Variants in STAB2 observed in about 807,000 individuals in gnomAD.
STAB2 encodes the protein stabilin-2.
A neutral mutation model predicts 338.1 loss-of-function variants in STAB2; 288 were observed. The ratio of observed to expected loss-of-function variants is 0.85; its 90% CI spans 0.77 to 0.94. The LOEUF (loss-of-function observed/expected upper bound fraction) is 0.94. Among genes scored for constraint, STAB2 ranks in the 40% least tolerant of loss-of-function variants. The pLI is 0.00. For missense variants in STAB2, 3,141 were observed against 3,210.1 expected, an observed-to-expected ratio of 0.98 and a Z score of 0.52; for synonymous variants, 1,202 against 1,193.3, an observed-to-expected ratio of 1.01 and a Z score of -0.15.
At chr12:103,735,370 A>G (rs1294725222) in intron 51 of STAB2, 121 bp from the exon 52 acceptor site, 4 of 584,338 alleles carry the variant, frequency 6.8e-6, no homozygotes, top group Non-Finnish European at 1.2e-5. Flanking sequence ...TTGTAAAGCT[A>G]AAGTTATTAT....
chr12:103,642,530 G>A (rs576385019), intron 9 of STAB2, among the ~76,000 whole-genome samples: 1 of 152,334 alleles, frequency 6.6e-6, no homozygotes, highest in South Asian at 2.1e-4. Flanking sequence ...TCCTTTCCAA[G>A]GCAACATGGT....
In STAB2 at chr12:103,652,646, AAC is replaced by A. The variant is rs1299985346; in HGVS notation, c.1352_1353del (p.Thr451ArgfsTer18). ...AGQMNIEYMN[N>X]TDMFYTLTGK... is the part of the protein sequence containing the mutation. ...TCAGATGAACATCGAATATATGAAT[AAC>A]ACAGACATGTTCTACACCTTGACTG... On this transcript the variant is annotated frameshift_variant, in exon 12 of 69. Transcript: ENST00000388887. LOFTEE classifies it high-confidence loss of function. 5.6e-6 allele frequency: 9 copies of A among 1,609,306 alleles called. No homozygotes were observed. In the East Asian group the frequency reaches 1.6e-4, roughly 28 times the overall value.
chr12:103,730,389 T>G, intron 49 of STAB2, 133 bp downstream of exon 49: 3 of 1,026,842 alleles, frequency 2.9e-6, no homozygotes, highest in Non-Finnish European at 4.3e-6. Flanking sequence ...AAAAGCCTAG[T>G]AAACATTATT....
intron 8 of STAB2, 118 bp from the exon 9 acceptor site, chr12:103,640,005 A>G: frequency 8.0e-7 from 1 of 1,252,786 alleles, no homozygotes; most frequent in Non-Finnish European, 1.1e-6. Flanking sequence ...TTAAGTCCAC[A>G]CTTCAGACAT....
At chr12:103,755,028 T>C (rs866838260) in intron 61 of STAB2, 4 of 418,454 alleles carry the variant, frequency 9.6e-6, no homozygotes, top group African/African-American at 5.9e-5. Context: ...TATCAATGGA[T>C]GACAGCAAAT....
Position 103,748,829 on chromosome 12 carries a change from A to T in STAB2, c.6245-134A>T. 3 of 877,488 alleles carry T rather than the reference A, an allele frequency of 3.4e-6. No individual in the cohort carries two copies. In the South Asian group the frequency reaches 5.9e-5, roughly 17 times the overall value. The allele number at this position is 877,488 out of a possible 1,614,324, so 54.4% of individuals were successfully genotyped here. On this transcript the variant is annotated intron_variant, in intron 58 of 68. Coordinates refer to ENST00000388887, the MANE Select transcript of STAB2 (RefSeq NM_017564.10). ...CCAGCACAGAGGCCACAGGGCATGG[A>T]GAGAGAAGCACGAACACGCAGGGGC...
chr12:103,663,308 C>T (rs994738794), intron 18 of STAB2, among the ~76,000 whole-genome samples: 4 of 152,212 alleles, frequency 2.6e-5, no homozygotes, highest in Admixed American at 6.5e-5. Flanking sequence ...TCTCACAATT[C>T]TGGAGGTCAG....
chr12:103,684,917 T>A (rs1271983657), intron 26 of STAB2, 72 bp from the exon 27 acceptor site: 23 of 1,460,506 alleles, frequency 1.6e-5, no homozygotes, highest in Non-Finnish European at 2.0e-5. Flanking sequence ...ATGGAGCCTG[T>A]CGTCTCATAG....
rs112465042 is a variant in STAB2 at position 103,703,322 on chromosome 12, G to C, written c.3843+46G>C. Reference sequence around the variant, plus strand: ...CCAGTGATGGAACTAATGAATATTGGCTTTTTTTTATATAATTTTGGGGGC... The same window carrying C: ...CCAGTGATGGAACTAATGAATATTGCCTTTTTTTTATATAATTTTGGGGGC... On this transcript the variant is annotated intron_variant, in intron 35 of 68. Transcript: ENST00000388887. 2.2e-3 allele frequency: 3,572 copies of C among 1,591,226 alleles called. 76 individuals are homozygous for C. The African/African-American group carries it at 0.042, about 19-fold the overall frequency.
In STAB2 at chr12:103,674,016, C is replaced by T. The variant is rs1876090091; in HGVS notation, c.2481C>T (p.Thr827=). 3 of 1,614,102 alleles carry T rather than the reference C, an allele frequency of 1.9e-6. No homozygotes were observed. Among genetic ancestry groups the T allele is most frequent in the East Asian group, 2.2e-5 (1 of 44,882 alleles). The change falls in exon 23 of 69, where the codon ACC becomes ACT. Residue 827 remains threonine (T), a synonymous_variant. Coordinates refer to ENST00000388887, the MANE Select transcript of STAB2 (RefSeq NM_017564.10). ...CCGGGAGACTCTGTGATAAGCAGAC[C>T]TCAGCCTGTGGGCCCTACGTGCAGT... is the stretch of plus-strand genomic sequence containing the variant. ...GSAGRLCDKQ[T]SACGPYVQFC... is the part of the protein sequence containing the mutation.
In STAB2 at chr12:103,654,604, T is replaced by G. The variant is rs746373847; in HGVS notation, c.1457T>G (p.Ile486Ser). Residue 486 changes from isoleucine (I) to serine (S), a missense_variant, in exon 13 of 69, where the codon ATT becomes AGT. Physicochemically the swap from Ile to Ser is moderately radical, Grantham distance 142 (BLOSUM62 -2). Coordinates refer to ENST00000388887, the MANE Select transcript of STAB2 (RefSeq NM_017564.10). ...KLHGGKKKVK[I>S]IQGDIIASNG... ...CATGGAGGCAAAAAGAAGGTAAAAA[T>G]TATACAAGGGGACATCATTGCTTCC... The G allele has an allele frequency of 1.9e-6, 3 of 1,613,998 alleles. No individual in the cohort carries two copies. The African/African-American group carries it at 4.0e-5, about 22-fold the overall frequency.
chr12:103,701,063 C>T (rs1195032171), intron 34 of STAB2, among the ~76,000 whole-genome samples: 4 of 143,852 alleles, frequency 2.8e-5, no homozygotes, highest in Non-Finnish European at 6.0e-5. Context: ...TCCATGTGTT[C>T]TCATTGTTCA....
chr12:103,625,170 G>A (rs921517942), intron 5 of STAB2, among the ~76,000 whole-genome samples: 1 of 152,144 alleles, frequency 6.6e-6, no homozygotes, highest in Admixed American at 6.5e-5. Context: ...TCCCAAGAAA[G>A]CCTAGTAATT....
chr12:103,672,680 G>C (rs1430384739), intron 22 of STAB2, among the ~76,000 whole-genome samples: 1 of 152,060 alleles, frequency 6.6e-6, no homozygotes, highest in Non-Finnish European at 1.5e-5. Flanking sequence ...CCCAGTCCTT[G>C]CCAGGTGCCT....
chr12:103,698,952 T>C (rs1197970612), intron 33 of STAB2, 144 bp from the exon 34 acceptor site: 2 of 974,940 alleles, frequency 2.1e-6, no homozygotes, highest in East Asian at 2.7e-5. Context: ...ATATTGAATA[T>C]TGTGTCTTAA....
chr12:103,608,800 TAG>T (rs1565957857), intron 3 of STAB2, among the ~76,000 whole-genome samples: 12 of 152,236 alleles, frequency 7.9e-5, no homozygotes, highest in African/African-American at 2.9e-4. Flanking sequence ...GGTTTTCTTC[TAG>T]GGTTTTTATG....
At chr12:103,653,673 TG>T (rs1465072364) in intron 12 of STAB2, among the ~76,000 whole-genome samples, 1 of 144,188 alleles carries the variant, frequency 6.9e-6, no homozygotes, top group Admixed American at 6.9e-5. Flanking sequence ...GATGGATGGA[TG>T]GATAGATACA....
At chr12:103,588,606 A>G (rs1244586552) in intron 1 of STAB2, among the ~76,000 whole-genome samples, 2 of 152,206 alleles carry the variant, frequency 1.3e-5, no homozygotes, top group African/African-American at 4.8e-5. Context: ...CAGAGAGGAC[A>G]ACTTTGTCAA....
chr12:103,664,505 G>A (rs1405822326), intron 18 of STAB2, among the ~76,000 whole-genome samples: 1 of 152,092 alleles, frequency 6.6e-6, no homozygotes, highest in Non-Finnish European at 1.5e-5. Flanking sequence ...GCACTATTTC[G>A]GTTCCCATGG....
Sources: gnomAD v4.1 joint callset for allele counts (sites outside exome capture counted in the v4.1 genomes callset) on GRCh38, gnomAD v4.1.1 for gene constraint, MANE v1.5 for transcripts, NCBI Gene and HGNC (gene_info 2026-07-23, HGNC 2026-07-21) for gene names.